The following EEIG2 variants were observed in gnomAD, a reference collection of about 807,000 sequenced individuals.
EEIG2 encodes the protein family with sequence similarity 102 member B.
the EEIG2 span, among the ~76,000 whole-genome samples, chr1:108,578,285 C>A: frequency 1.6e-5 from 2 of 121,588 alleles, no homozygotes; most frequent in Non-Finnish European, 1.7e-5. Context: ...ATTGAATACC[C>A]TTTATTTCCT....
the EEIG2 span, among the ~76,000 whole-genome samples, chr1:108,579,772 T>TGTGTGTGTGTGTGAGAGAGAGA: frequency 3.4e-5 from 2 of 58,822 alleles, no homozygotes; most frequent in African/African-American, 1.3e-4. Context: ...TGTGTGTGTG[T>TGTGTGTGTGTGTGAGAGAGAGA]GAGAGAGAGA....
chr1:108,600,320 A>C, the EEIG2 span, among the ~76,000 whole-genome samples: 2 of 152,172 alleles, frequency 1.3e-5, no homozygotes, highest in Non-Finnish European at 2.9e-5. Context: ...GTGTAGCCTA[A>C]TGTATATTTT....
chr1:108,591,653 C>T, the EEIG2 span, among the ~76,000 whole-genome samples: 1 of 152,098 alleles, frequency 6.6e-6, no homozygotes, highest in African/African-American at 2.4e-5. Context: ...TGGAGGCAGC[C>T]AGCTCTTTCC....
chr1:108,589,411 T>TGA, the EEIG2 span, among the ~76,000 whole-genome samples: 2 of 152,230 alleles, frequency 1.3e-5, no homozygotes, highest in African/African-American at 4.8e-5. Flanking sequence ...TCTCTGCTCC[T>TGA]CATAGTAATC....
At chr1:108,569,334 T>C in the EEIG2 span, among the ~76,000 whole-genome samples, 1 of 152,224 alleles carries the variant, frequency 6.6e-6, no homozygotes, top group African/African-American at 2.4e-5. Context: ...CTGATTATTC[T>C]TTTTAGAGGC....
chr1:108,570,200 G>T, the EEIG2 span, among the ~76,000 whole-genome samples: 1 of 152,148 alleles, frequency 6.6e-6, no homozygotes, highest in Non-Finnish European at 1.5e-5. Flanking sequence ...TCCTTAGCAG[G>T]GTTTTTTTAA....
the EEIG2 span, chr1:108,626,578 G>A: frequency 6.6e-6 from 1 of 152,092 alleles, no homozygotes; most frequent in Non-Finnish European, 1.5e-5. Context: ...GGATTATTAT[G>A]AAAACCTACA....
At chr1:108,593,695 C>G in the EEIG2 span, among the ~76,000 whole-genome samples, 3 of 152,286 alleles carry the variant, frequency 2.0e-5, no homozygotes, top group East Asian at 5.8e-4. Context: ...TGTCAGAGAC[C>G]TAAAGCCTTA....
chr1:108,602,290 A>T, the EEIG2 span, among the ~76,000 whole-genome samples: 1 of 152,108 alleles, frequency 6.6e-6, no homozygotes, highest in Admixed American at 6.5e-5. Context: ...AACAACAGAA[A>T]CTTACTGTCT....
chr1:108,617,940 A>AT, the EEIG2 span, among the ~76,000 whole-genome samples: 3 of 152,210 alleles, frequency 2.0e-5, no homozygotes, highest in Admixed American at 6.5e-5. Flanking sequence ...CTTTGGTAGA[A>AT]TGCCCTTAGA....
the EEIG2 span, among the ~76,000 whole-genome samples, chr1:108,587,371 A>G: frequency 6.6e-6 from 1 of 152,068 alleles, no homozygotes; most frequent in Non-Finnish European, 1.5e-5. Context: ...AATATTCCTA[A>G]CCAGAGTGGC....
the EEIG2 span, among the ~76,000 whole-genome samples, chr1:108,597,233 C>T: frequency 6.6e-6 from 1 of 152,140 alleles, no homozygotes. Context: ...GAAATCTTTT[C>T]TTTGAGGCTG....
At chr1:108,624,811 CT>C in the EEIG2 span, 2 of 1,358,960 alleles carry the variant, frequency 1.5e-6, no homozygotes, top group African/African-American at 2.9e-5. Context: ...CCTAAAAATT[CT>C]TTGGGAATTG....
chr1:108,617,498 C>G, the EEIG2 span, among the ~76,000 whole-genome samples: 2 of 152,170 alleles, frequency 1.3e-5, no homozygotes, highest in Admixed American at 6.5e-5. Context: ...ATTTAACATC[C>G]AGCGGGGCAT....
chr1:108,606,988 A>G, the EEIG2 span, among the ~76,000 whole-genome samples: 3 of 152,132 alleles, frequency 2.0e-5, no homozygotes, highest in African/African-American at 7.2e-5. Context: ...TAACTTCCAT[A>G]TCTACCAAAC....
chr1:108,583,971 G>C, the EEIG2 span, among the ~76,000 whole-genome samples: 1 of 152,058 alleles, frequency 6.6e-6, no homozygotes, highest in African/African-American at 2.4e-5. Context: ...AGAGAGATGG[G>C]GTAATATGAG....
the EEIG2 span, among the ~76,000 whole-genome samples, chr1:108,567,247 T>C: frequency 6.6e-6 from 1 of 152,198 alleles, no homozygotes; most frequent in African/African-American, 2.4e-5. Flanking sequence ...GTAATAATAG[T>C]AGCTGACATT....
At chr1:108,591,359 G>A in the EEIG2 span, among the ~76,000 whole-genome samples, 2 of 152,112 alleles carry the variant, frequency 1.3e-5, no homozygotes, top group African/African-American at 4.8e-5. Context: ...TGCCTTAGTT[G>A]CACAAACAAA....
the EEIG2 span, chr1:108,638,870 TTGTG>T: frequency 2.0e-5 from 3 of 152,224 alleles, no homozygotes; most frequent in Admixed American, 6.5e-5. Context: ...TTTTAAATGT[TTGTG>T]TGGGTGGTCT....
Sources: allele counts gnomAD v4.1 joint callset (sites outside exome capture counted in the v4.1 genomes callset), GRCh38; gene constraint gnomAD v4.1.1; transcripts MANE v1.5; gene names NCBI Gene and HGNC (gene_info 2026-07-23, HGNC 2026-07-21).